IPP: variants seen among roughly 807,000 people sequenced by gnomAD.
IPP encodes the protein intracisternal A particle-promoted polypeptide, also known as actin-binding protein IPP.
Under a neutral mutation model 64.1 loss-of-function variants are expected in IPP, and 41 were observed. That is an observed-to-expected ratio of 0.64 (90% CI 0.50 to 0.83). The LOEUF is 0.83. Ranked by LOEUF, IPP falls within the 40% of genes least tolerant of loss-of-function variation. IPP has a pLI of 0.00. For missense variants in IPP, 649 were observed against 703.0 expected (o/e 0.92, Z 0.87); for synonymous variants, 214 against 235.2 (o/e 0.91, Z 0.83).
chr1:45,749,201 CAAGA>C (rs1398835327), intron 1 of IPP, among the ~76,000 whole-genome samples: 1 of 152,190 alleles, frequency 6.6e-6, no homozygotes, highest in Non-Finnish European at 1.5e-5. Flanking sequence ...CCTCCTGCTA[CAAGA>C]AAGAGTTGAC....
At chr1:45,698,269 G>C (rs374669271), downstream of IPP, among the ~76,000 whole-genome samples, 2 of 152,144 alleles carry the variant, frequency 1.3e-5, no homozygotes, top group African/African-American at 4.8e-5. Flanking sequence ...TCCAGCCTGG[G>C]CAACAAGAGC....
At chr1:45,708,236 T>C (rs1030717195) in intron 8 of IPP, among the ~76,000 whole-genome samples, 18 of 151,324 alleles carry the variant, frequency 1.2e-4, no homozygotes, top group Admixed American at 7.2e-4. Flanking sequence ...AGCTCATTTT[T>C]TGTACTTTTA....
intron 5 of IPP, among the ~76,000 whole-genome samples, chr1:45,725,395 T>C (rs982467614): frequency 1.4e-5 from 2 of 145,904 alleles, no homozygotes; most frequent in African/African-American, 5.1e-5. Flanking sequence ...GGGGCGCCTC[T>C]GCCCGGCCGC....
At chr1:45,747,387 A>C (rs1646153281) in intron 1 of IPP, among the ~76,000 whole-genome samples, 1 of 152,200 alleles carries the variant, frequency 6.6e-6, no homozygotes, top group African/African-American at 2.4e-5. Flanking sequence ...AGGAAACTGA[A>C]GCTCAAAGTT....
At chr1:45,719,889 G>T (rs1645709248) in intron 5 of IPP, among the ~76,000 whole-genome samples, 1 of 151,756 alleles carries the variant, frequency 6.6e-6, no homozygotes, top group Non-Finnish European at 1.5e-5. Flanking sequence ...CCGCGCCCAG[G>T]TAATTTTTTG....
At chr1:45,724,760 A>G (rs543068612) in intron 5 of IPP, among the ~76,000 whole-genome samples, 1 of 148,404 alleles carries the variant, frequency 6.7e-6, no homozygotes, top group South Asian at 2.1e-4. Context: ...CCCGTCTAAG[A>G]AGTGAGGAGC....
At chr1:45,721,832 C>G (rs767556315) in intron 5 of IPP, among the ~76,000 whole-genome samples, 2 of 152,188 alleles carry the variant, frequency 1.3e-5, no homozygotes, top group Admixed American at 6.5e-5. Flanking sequence ...GAGGCCAAGG[C>G]GGGCAGATCA....
At chr1:45,745,552 A>C (rs1184586207) in intron 2 of IPP, among the ~76,000 whole-genome samples, 2 of 152,144 alleles carry the variant, frequency 1.3e-5, no homozygotes, top group Non-Finnish European at 2.9e-5. Flanking sequence ...TTATTCAATT[A>C]TATACTACTA....
intron 3 of IPP, among the ~76,000 whole-genome samples, chr1:45,735,416 G>T (rs1645963815): frequency 6.7e-6 from 1 of 150,050 alleles, no homozygotes; most frequent in Non-Finnish European, 1.5e-5. Flanking sequence ...GTAGAAACAA[G>T]GTCTTGCTTT....
chr1:45,701,873 T>G (rs892961428), intron 8 of IPP, among the ~76,000 whole-genome samples: 3 of 152,168 alleles, frequency 2.0e-5, no homozygotes, highest in Non-Finnish European at 4.4e-5. Flanking sequence ...TTATAAACAG[T>G]TAGTGTATGT....
chr1:45,737,275 A>G (rs1158054637), intron 3 of IPP, among the ~76,000 whole-genome samples: 1 of 151,992 alleles, frequency 6.6e-6, no homozygotes, highest in Non-Finnish European at 1.5e-5. Context: ...GTGTATTCCT[A>G]TACACAATTA....
intron 8 of IPP, among the ~76,000 whole-genome samples, chr1:45,709,700 A>G (rs71500088): frequency 3.1e-3 from 299 of 97,520 alleles, no homozygotes; most frequent in East Asian, 8.8e-3. Flanking sequence ...GGTGGCATGC[A>G]CCTGTTGTCC....
intron 8 of IPP, among the ~76,000 whole-genome samples, chr1:45,711,441 C>A (rs904261721): frequency 6.6e-6 from 1 of 151,492 alleles, no homozygotes; most frequent in Non-Finnish European, 1.5e-5. Flanking sequence ...TAAAATATAC[C>A]ATGAAAACAC....
At chr1:45,746,771 AAGAC>A (rs1165058457) in intron 1 of IPP, among the ~76,000 whole-genome samples, 2 of 152,186 alleles carry the variant, frequency 1.3e-5, no homozygotes, top group East Asian at 1.9e-4. Flanking sequence ...ATAAAACACA[AAGAC>A]AGAAAGTTAA....
intron 2 of IPP, among the ~76,000 whole-genome samples, chr1:45,742,380 A>G (rs1033289647): frequency 6.6e-6 from 1 of 152,052 alleles, no homozygotes; most frequent in Non-Finnish European, 1.5e-5. Context: ...AGTTGGAAAG[A>G]AAAAAAACAA....
chr1:45,735,757 G>A (rs2148576620), intron 3 of IPP, among the ~76,000 whole-genome samples: 2 of 71,312 alleles, frequency 2.8e-5, no homozygotes, highest in Non-Finnish European at 6.4e-5. Context: ...AGCCTCTCGA[G>A]TAGCTGGGAC....
chr1:45,735,049 G>T (rs1645959120), intron 3 of IPP, among the ~76,000 whole-genome samples: 1 of 151,914 alleles, frequency 6.6e-6, no homozygotes, highest in African/African-American at 2.4e-5. Flanking sequence ...CAAAGTGCTG[G>T]GATTACAGGC....
At chr1:45,743,414 CAA>C (rs34696589) in intron 2 of IPP, among the ~76,000 whole-genome samples, 2 of 142,546 alleles carry the variant, frequency 1.4e-5, no homozygotes, top group African/African-American at 2.6e-5. Context: ...GACTCCGCCT[CAA>C]AAAAAAAAAA....
At chr1:45,698,613 AT>A (rs1292844564), downstream of IPP, 2 of 907,014 alleles carry the variant, frequency 2.2e-6, no homozygotes, top group Non-Finnish European at 1.3e-6. Context: ...CCAAGTACAA[AT>A]AAATTTTACA....
Sources: allele counts gnomAD v4.1 joint callset (sites outside exome capture counted in the v4.1 genomes callset), GRCh38; gene constraint gnomAD v4.1.1; transcripts MANE v1.5; gene names NCBI Gene and HGNC (gene_info 2026-07-23, HGNC 2026-07-21).